The following BIRC6 variants were observed in gnomAD, a reference collection of about 807,000 sequenced individuals.
BIRC6 encodes dual E2 ubiquitin-conjugating enzyme/E3 ubiquitin-protein ligase BIRC6.
A neutral mutation model predicts 503.3 loss-of-function variants in BIRC6; 98 were observed. The observed-to-expected ratio is 0.19, with a 90% CI of 0.17 to 0.23. The LOEUF (loss-of-function observed/expected upper bound fraction) is 0.23. BIRC6 is among the 10% of genes least tolerant of loss of function. The pLI is 1.00. For synonymous variants in BIRC6, 2,240 were observed against 2,078.7 expected, an observed-to-expected ratio of 1.08 and a Z score of -2.11; for missense variants, 5,360 against 5,806.0, an observed-to-expected ratio of 0.92 and a Z score of 2.50.
intron 37 of BIRC6, among the ~76,000 whole-genome samples, chr2:32,480,574 TGA>T (rs2050268832): frequency 6.8e-6 from 1 of 147,630 alleles, no homozygotes; most frequent in South Asian, 2.2e-4. Flanking sequence ...TGGAGACATC[TGA>T]GAGACAATAA....
Position 32,575,292 on chromosome 2 carries a change from A to G in BIRC6, c.13281A>G (p.Ser4427=). Residue 4427 remains serine (S), a synonymous_variant, in exon 66 of 74, where the codon TCA becomes TCG. Coordinates refer to ENST00000421745, the MANE Select transcript of BIRC6 (RefSeq NM_016252.4). ...TENGEEEEEQ[S]ECQTSVGTLL... ...ACGGTGAAGAGGAAGAAGAACAGTCAGAATGTCAAACTTCTGTTGGTACAT... is the reference window on the plus strand; with the variant it reads ...ACGGTGAAGAGGAAGAAGAACAGTCGGAATGTCAAACTTCTGTTGGTACAT... The G allele has an allele frequency of 6.2e-7, 1 of 1,614,010 alleles. No individual in the cohort carries two copies.
chr2:32,505,514 C>T (rs1390029852), intron 50 of BIRC6, among the ~76,000 whole-genome samples: 1 of 152,142 alleles, frequency 6.6e-6, no homozygotes, highest in Non-Finnish European at 1.5e-5. Context: ...ACTACACACC[C>T]ATTTTTTACC....
intron 15 of BIRC6, among the ~76,000 whole-genome samples, chr2:32,438,449 G>A (rs1430159225): frequency 6.6e-6 from 1 of 151,912 alleles, no homozygotes; most frequent in Non-Finnish European, 1.5e-5. Flanking sequence ...TTTGCTGGCA[G>A]ATGTAGTAAT....
Position 32,468,532 on chromosome 2 carries a change from A to T in BIRC6, c.5876A>T (p.Lys1959Ile). Residue 1959 changes from lysine to isoleucine, a missense_variant, in exon 29 of 74, where the codon AAA becomes ATA. Around this residue, in one of 16 missense-constraint regions of BIRC6, gnomAD observed 2,299 missense variants for 2,267.2 expected, o/e 1.01. Coordinates refer to ENST00000421745, the MANE Select transcript of BIRC6 (RefSeq NM_016252.4). Reference sequence around the variant, plus strand: ...AACAATGCACAGTACTTTTTACGAAAACCAGATAAGGCAGTTGAGGAAGAC... The same window carrying T: ...AACAATGCACAGTACTTTTTACGAATACCAGATAAGGCAGTTGAGGAAGAC... ...SANNAQYFLR[K>I]PDKAVEEDSR... is the part of the protein sequence containing the mutation. The T allele has an allele frequency of 1.2e-6, 2 of 1,614,020 alleles. No individual in the cohort carries two copies. The highest frequency in any genetic ancestry group is 1.7e-6 in the Non-Finnish European group (2 of 1,179,878).
intron 65 of BIRC6, among the ~76,000 whole-genome samples, chr2:32,561,591 G>C (rs1051265029): frequency 2.6e-5 from 4 of 151,232 alleles, no homozygotes; most frequent in African/African-American, 9.7e-5. Flanking sequence ...ATTTGAAATC[G>C]TTCGATTTCA....
chr2:32,435,584 G>C lies in BIRC6; in HGVS notation c.3498G>C (p.Gln1166His). The change falls in exon 14 of 74, where the codon CAG (glutamine) becomes CAC (histidine). Residue 1166 changes from glutamine (Q) to histidine (H), a missense_variant and splice_region_variant. By Grantham distance (24) the Gln-to-His change is conservative. Around this residue, in one of 16 missense-constraint regions of BIRC6, gnomAD observed 2,299 missense variants for 2,267.2 expected, o/e 1.01. Transcript: ENST00000421745. ...AGCACATGGATGTAGAGGAATCACA[G>C]TGTGAGTTAAATTATAGAGCTGTTG... ...EMQHMDVEES[Q>H]CLRLCPFLED... 2.6e-6 allele frequency: 4 copies of C among 1,551,768 alleles called. No individual in the cohort carries two copies. The highest frequency in any genetic ancestry group is 3.5e-6 in the Non-Finnish European group (4 of 1,147,206).
At chr2:32,383,623 C>T (rs1379785092) in intron 3 of BIRC6, among the ~76,000 whole-genome samples, 4 of 152,120 alleles carry the variant, frequency 2.6e-5, no homozygotes, top group African/African-American at 9.7e-5. Flanking sequence ...CCTCCGCCTT[C>T]TGGGTTCAAG....
At chr2:32,595,185 A>ATT in intron 68 of BIRC6, 41 bp downstream of exon 68, 2 of 1,285,352 alleles carry the variant, frequency 1.6e-6, no homozygotes, top group South Asian at 1.4e-5. Flanking sequence ...CTCACTTTCC[A>ATT]TTTTTTTTTA....
rs1321526113 is a variant in BIRC6 at position 32,423,012 on chromosome 2, A to G, written c.2873-6134A>G. 4.6e-5 allele frequency among the ~76,000 whole-genome samples: 7 copies of G among 152,172 alleles called. No individual in the cohort carries two copies. The East Asian group carries it at 1.4e-3, about 29-fold the overall frequency. On this transcript the variant is annotated intron_variant, in intron 10 of 73. Transcript: ENST00000421745. ...AGTGCAGTGGTGCCGATCTCAGCTCACTGCAGCCTCCACCTCCTGGGTTCA... is the reference window on the plus strand; with the variant it reads ...AGTGCAGTGGTGCCGATCTCAGCTCGCTGCAGCCTCCACCTCCTGGGTTCA...
chr2:32,532,339 G>GA (rs1369626929), intron 61 of BIRC6: 3 of 445,166 alleles, frequency 6.7e-6, no homozygotes, highest in Non-Finnish European at 1.4e-5. Flanking sequence ...CTGAATTCAG[G>GA]CTGTAGGGAA....
chr2:32,576,217 A>G (rs2060255352), intron 66 of BIRC6, among the ~76,000 whole-genome samples: 1 of 152,192 alleles, frequency 6.6e-6, no homozygotes, highest in African/African-American at 2.4e-5. Flanking sequence ...CTTCTGTTTT[A>G]TTTTAGAAGT....
chr2:32,468,198 T>G, intron 28 of BIRC6, 87 bp downstream of exon 28: 1 of 1,367,240 alleles, frequency 7.3e-7, no homozygotes, highest in Admixed American at 2.0e-5. Context: ...AAATGTCTTT[T>G]CATAGGTGTA....
intron 1 of BIRC6, among the ~76,000 whole-genome samples, chr2:32,369,945 A>AATATATATATATATAT (rs67839399): frequency 2.3e-5 from 1 of 44,224 alleles, no homozygotes; most frequent in African/African-American, 1.3e-4. Context: ...AAAAAAAAAA[A>AATATATATATATATAT]ATATATATAT....
At chr2:32,379,880 T>A (rs760280895) in intron 2 of BIRC6, among the ~76,000 whole-genome samples, 1 of 152,022 alleles carries the variant, frequency 6.6e-6, no homozygotes, top group African/African-American at 2.4e-5. Flanking sequence ...GCTTGTCCAT[T>A]TTTCTATCTT....
chr2:32,464,510 A>C lies in BIRC6; in HGVS notation c.4943A>C (p.Lys1648Thr). The C allele has an allele frequency of 6.4e-7, 1 of 1,560,128 alleles. No homozygotes were observed. The highest frequency in any genetic ancestry group is 2.4e-5 in the East Asian group (1 of 41,708). ...ATGTTGCTTTTACTTCTTTTGCAGA[A>C]AGCAAAGCTGGAAGCCAAGTTACAT... Reference protein sequence around the residue: ...QQQLLKLQQQKAKLEAKLHQT... With the variant: ...QQQLLKLQQQTAKLEAKLHQT... Residue 1648 changes from lysine (K) to threonine (T), a missense_variant and splice_region_variant, in exon 25 of 74, where the codon AAA (lysine) becomes ACA (threonine). Physicochemically the swap from Lys to Thr is moderately conservative, Grantham distance 78. Coordinates refer to ENST00000421745, the MANE Select transcript of BIRC6 (RefSeq NM_016252.4).
At chr2:32,611,634 A>T in intron 73 of BIRC6, 52 bp downstream of exon 73, 1 of 1,457,642 alleles carries the variant, frequency 6.9e-7, no homozygotes, top group South Asian at 1.6e-5. Flanking sequence ...TTGTGTAATT[A>T]TTGACAGAAC....
At chr2:32,603,212 A>T (rs2062186047) in intron 71 of BIRC6, 129 bp downstream of exon 71, 2 of 619,450 alleles carry the variant, frequency 3.2e-6, no homozygotes, top group African/African-American at 1.9e-5. Context: ...AATGCATATT[A>T]AATAGCTTAT....
intron 57 of BIRC6, 115 bp from the exon 58 acceptor site, chr2:32,524,773 A>G (rs1416634399): frequency 2.7e-6 from 2 of 728,420 alleles, no homozygotes; most frequent in Non-Finnish European, 3.9e-6. Flanking sequence ...ATTCCTTTAT[A>G]TTGCCTTAGT....
chr2:32,447,376 G>A (rs1341180667), intron 21 of BIRC6, among the ~76,000 whole-genome samples: 6 of 145,970 alleles, frequency 4.1e-5, no homozygotes, highest in Admixed American at 6.7e-5. Context: ...CTGGCCGGGC[G>A]GGGGGCTGAT....
Sources: gnomAD v4.1 joint callset for allele counts (sites outside exome capture counted in the v4.1 genomes callset) on GRCh38, gnomAD v4.1.1 for gene constraint, gnomAD v4.1.1 regional missense constraint, MANE v1.5 for transcripts, NCBI Gene and HGNC (gene_info 2026-07-23, HGNC 2026-07-21) for gene names.